Variants in DIRAS2 observed in about 807,000 individuals in gnomAD.
The protein encoded by DIRAS2 is DIRAS family GTPase 2.
Under a neutral mutation model 13.9 loss-of-function variants are expected in DIRAS2, and 5 were observed. The observed-to-expected ratio is 0.36, with a 90% CI of 0.19 to 0.76. DIRAS2 has a LOEUF of 0.76. DIRAS2 is among the 30% of genes least tolerant of loss of function. The pLI is 0.53. For synonymous variants in DIRAS2, 111 were observed against 105.4 expected (o/e 1.05, Z -0.33); for missense variants, 191 against 263.0 (o/e 0.73, Z 1.89).
intron 1 of DIRAS2, among the ~76,000 whole-genome samples, chr9:90,636,797 G>C (rs1825375675): frequency 6.6e-6 from 1 of 152,224 alleles, no homozygotes. Flanking sequence ...GGTATACACA[G>C]TGTTTCATGT....
At chr9:90,637,228 C>G (rs987918927) in intron 1 of DIRAS2, among the ~76,000 whole-genome samples, 1 of 152,190 alleles carries the variant, frequency 6.6e-6, no homozygotes, top group Non-Finnish European at 1.5e-5. Flanking sequence ...GAGCCATCTA[C>G]AGATTTGTTC....
chr9:90,613,652 A>G lies in DIRAS2; in HGVS notation c.176T>C (p.Ile59Thr). The G allele has an allele frequency of 6.2e-7, 1 of 1,614,124 alleles. No homozygotes were observed. Among genetic ancestry groups the G allele is most frequent in the Non-Finnish European group, 8.5e-7 (1 of 1,180,026 alleles). ...SCDKSICTLQITDTTGSHQFP... is the reference protein window; with the variant it reads ...SCDKSICTLQTTDTTGSHQFP... ...CTGGTGGCTCCCCGTCGTGTCGGTG[A>G]TCTGCAATGTGCATATGCTCTTGTC... The change falls in exon 2 of 2, where the codon ATC becomes ACC. Residue 59 changes from isoleucine to threonine, a missense_variant. Physicochemically the swap from Ile to Thr is moderately conservative, Grantham distance 89. Coordinates refer to ENST00000375765, the MANE Select transcript of DIRAS2 (RefSeq NM_017594.5). This position sits in a 1 kb window ranked among gnomAD's most constrained non-coding sequence, Gnocchi z 5.6.
chr9:90,616,372 A>T (rs1417537315), intron 1 of DIRAS2, among the ~76,000 whole-genome samples: 1 of 152,246 alleles, frequency 6.6e-6, no homozygotes, highest in Non-Finnish European at 1.5e-5. Context: ...CTCAGAATCA[A>T]GTAAAGCAGA....
chr9:90,615,991 C>T (rs1211391066), intron 1 of DIRAS2, among the ~76,000 whole-genome samples: 1 of 152,218 alleles, frequency 6.6e-6, no homozygotes, highest in Non-Finnish European at 1.5e-5. Flanking sequence ...AAGGGAGTTT[C>T]CTCACTCGTT....
chr9:90,628,094 T>A (rs1564021266), intron 1 of DIRAS2, among the ~76,000 whole-genome samples: 1 of 152,022 alleles, frequency 6.6e-6, no homozygotes. Flanking sequence ...AAAACAAAAC[T>A]AATATCTTGA....
chr9:90,622,439 T>C (rs1030437181), intron 1 of DIRAS2, among the ~76,000 whole-genome samples: 5 of 151,782 alleles, frequency 3.3e-5, no homozygotes, highest in African/African-American at 1.2e-4. Flanking sequence ...TCAGTAACAT[T>C]TGGATCTTAC....
intron 1 of DIRAS2, among the ~76,000 whole-genome samples, chr9:90,635,011 G>C (rs1825358009): frequency 6.6e-6 from 1 of 152,208 alleles, no homozygotes; most frequent in African/African-American, 2.4e-5. Context: ...GACTTACTTA[G>C]CTCTTAATAG....
In DIRAS2 at chr9:90,618,556, G is replaced by A. The variant is rs1158714483; in HGVS notation, c.-36-4693C>T. Among the ~76,000 whole-genome samples, 3 of 152,066 alleles carry A rather than the reference G, an allele frequency of 2.0e-5. No individual in the cohort carries two copies. The East Asian group carries it at 5.8e-4, about 29-fold the overall frequency. On this transcript the variant is annotated intron_variant, in intron 1 of 1. Coordinates refer to ENST00000375765, the MANE Select transcript of DIRAS2 (RefSeq NM_017594.5). ...AGTATGAGCAACAAGATTAAAACTA[G>A]GTAAATGTGACTTCATCAAAACTAA... is the stretch of plus-strand genomic sequence containing the variant.
chr9:90,619,008 G>A (rs766786594), intron 1 of DIRAS2, among the ~76,000 whole-genome samples: 7 of 152,090 alleles, frequency 4.6e-5, no homozygotes, highest in East Asian at 1.9e-4. Flanking sequence ...GCATGGTGGC[G>A]CATGCTTATA....
chr9:90,616,934 T>C (rs1328750205), intron 1 of DIRAS2, among the ~76,000 whole-genome samples: 1 of 152,094 alleles, frequency 6.6e-6, no homozygotes, highest in African/African-American at 2.4e-5. Context: ...TGTGATCTAG[T>C]TATCAACAAA....
intron 1 of DIRAS2, among the ~76,000 whole-genome samples, chr9:90,614,093 G>A (rs1013938682): frequency 3.9e-5 from 6 of 152,106 alleles, no homozygotes; most frequent in Non-Finnish European, 7.4e-5. Flanking sequence ...CCATGACAAT[G>A]AGCATCTTTG....
chr9:90,624,229 T>G (rs1587722600), intron 1 of DIRAS2, among the ~76,000 whole-genome samples: 1 of 152,222 alleles, frequency 6.6e-6, no homozygotes, highest in East Asian at 1.9e-4. Context: ...GAAAGTGTAC[T>G]TTTATATATT....
chr9:90,621,005 T>C (rs1453784131), intron 1 of DIRAS2, among the ~76,000 whole-genome samples: 1 of 152,190 alleles, frequency 6.6e-6, no homozygotes, highest in African/African-American at 2.4e-5. Context: ...GGATACATTT[T>C]CAGATCCCAG....
At chr9:90,631,424 CA>C (rs889212992) in intron 1 of DIRAS2, among the ~76,000 whole-genome samples, 10 of 152,166 alleles carry the variant, frequency 6.6e-5, no homozygotes, top group African/African-American at 9.7e-5. Flanking sequence ...GGGTTTTGAG[CA>C]GAGAAGTGAT....
In DIRAS2 at chr9:90,613,287, T is replaced by G. The variant is rs757730938; in HGVS notation, c.541A>C (p.Lys181Gln). ...RRTVSLQIDG[K>Q]KSKQQKRKEK... is the part of the protein sequence containing the mutation. Reference sequence around the variant, plus strand: ...TTCCTTTTCTGCTGCTTGCTCTTTTTCCCGTCGATCTGGAGACTCACGGTC... The same window carrying G: ...TTCCTTTTCTGCTGCTTGCTCTTTTGCCCGTCGATCTGGAGACTCACGGTC... Residue 181 changes from lysine (K) to glutamine (Q), a missense_variant, in exon 2 of 2, where the codon AAA becomes CAA. Transcript: ENST00000375765. The surrounding 1 kb of genome is among the most constrained non-coding windows in gnomAD (Gnocchi z 5.6). 4 of 1,613,918 alleles carry G rather than the reference T, an allele frequency of 2.5e-6. No homozygotes were observed. In the South Asian group the frequency reaches 4.4e-5, roughly 18 times the overall value.
intron 1 of DIRAS2, among the ~76,000 whole-genome samples, chr9:90,633,446 T>C (rs935160528): frequency 2.6e-5 from 4 of 152,106 alleles, no homozygotes; most frequent in Non-Finnish European, 5.9e-5. Context: ...TTGGCTTAAT[T>C]TTCAGGATGC....
At chr9:90,620,015 T>C (rs1825204994) in intron 1 of DIRAS2, among the ~76,000 whole-genome samples, 1 of 151,876 alleles carries the variant, frequency 6.6e-6, no homozygotes, top group Admixed American at 6.6e-5. Flanking sequence ...GTATTTGTGG[T>C]TGCCTAGGGA....
rs1825141733 is a variant in DIRAS2, at chr9:90,613,938, C to T, written c.-36-75G>A. On this transcript the variant is annotated intron_variant, in intron 1 of 1. Coordinates refer to ENST00000375765, the MANE Select transcript of DIRAS2 (RefSeq NM_017594.5). This position sits in a 1 kb window ranked among gnomAD's most constrained non-coding sequence, Gnocchi z 5.6. ...ACATTAATAAGGATAGCTCTACCCT[C>T]TTTTGATAGCTTAAAAATGGGAGGT... The T allele has an allele frequency of 3.8e-6, 5 of 1,310,686 alleles. No individual in the cohort carries two copies. The highest frequency in any genetic ancestry group is 1.5e-5 in the African/African-American group (1 of 66,864). The allele number at this position is 1,310,686 out of a possible 1,614,324, so 81.2% of individuals were successfully genotyped here. A position where few individuals can be genotyped will look rare whatever the true frequency, so the allele number is the denominator to read the frequency against.
intron 1 of DIRAS2, among the ~76,000 whole-genome samples, chr9:90,638,048 T>C (rs1825386360): frequency 6.6e-6 from 1 of 152,248 alleles, no homozygotes; most frequent in South Asian, 2.1e-4. Context: ...TTTCTGTATA[T>C]CCAATTTAAC....
Sources: allele counts gnomAD v4.1 joint callset (sites outside exome capture counted in the v4.1 genomes callset), GRCh38; gene constraint gnomAD v4.1.1; non-coding constraint Gnocchi (gnomAD v3.1); transcripts MANE v1.5; gene names NCBI Gene and HGNC (gene_info 2026-07-23, HGNC 2026-07-21).